ZNF862: variants seen among roughly 807,000 people sequenced by gnomAD.
The protein encoded by ZNF862 is zinc finger protein 862.
A neutral mutation model predicts 91.1 loss-of-function variants in ZNF862; 64 were observed. The ratio of observed to expected loss-of-function variants is 0.70; its 90% CI spans 0.57 to 0.87. The LOEUF (loss-of-function observed/expected upper bound fraction) is 0.87. Ranked by LOEUF, ZNF862 falls within the 40% of genes least tolerant of loss-of-function variation. The pLI is 0.00. For synonymous variants in ZNF862, 631 were observed against 618.1 expected, an observed-to-expected ratio of 1.02 and a Z score of -0.31; for missense variants, 1,459 against 1,528.0, an observed-to-expected ratio of 0.95 and a Z score of 0.75.
intron 1 of ZNF862, among the ~76,000 whole-genome samples, chr7:149,840,623 A>G (rs1801671369): frequency 6.6e-6 from 1 of 150,576 alleles, no homozygotes; most frequent in Non-Finnish European, 1.5e-5. Context: ...TGCCCAATAC[A>G]GATGGACCTT....
At chr7:149,841,518 A>G (rs1477392220) in intron 1 of ZNF862, 38 of 983,696 alleles carry the variant, frequency 3.9e-5, no homozygotes, top group Non-Finnish European at 4.6e-5. Flanking sequence ...ATCCCCAGCT[A>G]GAACAGTGGA....
intron 3 of ZNF862, among the ~76,000 whole-genome samples, chr7:149,847,131 T>TG (rs1237881736): frequency 6.6e-6 from 1 of 152,242 alleles, no homozygotes; most frequent in Non-Finnish European, 1.5e-5. Flanking sequence ...AGAAGAAAGA[T>TG]GTGAGGTCAT....
intron 1 of ZNF862, among the ~76,000 whole-genome samples, chr7:149,843,704 G>C (rs1478849517): frequency 6.6e-6 from 1 of 152,134 alleles, no homozygotes; most frequent in Admixed American, 6.5e-5. Flanking sequence ...AGGGAGGACG[G>C]GCTTATCAGC....
In ZNF862 at chr7:149,864,672, G is replaced by T. The variant is rs189840261; in HGVS notation, c.*388G>T. On this transcript the variant is annotated 3_prime_UTR_variant, in exon 8 of 8. Transcript: ENST00000223210. The stretch of plus-strand genomic sequence containing the variant: ...AGGGAGGCTGCCCACAGTCTAAGTG[G>T]GAATGGGAAAGACCACCTTGTTAGA... The T allele has an allele frequency of 3.0e-5, 5 of 168,486 alleles. No homozygotes were observed. The East Asian group carries it at 8.3e-4, about 28-fold the overall frequency. The allele number at this position is 168,486 out of a possible 1,614,324, so 10.4% of individuals were successfully genotyped here.
In ZNF862 at chr7:149,865,256, G is replaced by A. The variant is rs1193069920; in HGVS notation, c.*972G>A. 6.6e-6 allele frequency: 1 copy of A among 152,186 alleles called. No individual in the cohort carries two copies. Among genetic ancestry groups the A allele is most frequent in the Non-Finnish European group, 1.5e-5 (1 of 68,032 alleles). The allele number at this position is 152,186 out of a possible 1,614,324, so 9.4% of individuals were successfully genotyped here. On this transcript the variant is annotated 3_prime_UTR_variant, in exon 8 of 8. Transcript: ENST00000223210. ...ATCTGCCCCATCCTCGTCCTTAGTG[G>A]GACAGGTAGGAATTTGTCTCCAAAG...
chr7:149,847,735 GA>G lies in ZNF862; in HGVS notation c.249del (p.Lys83AsnfsTer52), dbSNP rs755241977. On this transcript the variant is annotated frameshift_variant and splice_region_variant, in exon 4 of 8. Transcript: ENST00000223210. LOFTEE classifies it high-confidence loss of function. ...GQRSLLEHHP[G>X]KKQMGYMGEM... is the part of the protein sequence containing the mutation. ...AATCCCTTCTGTCTCTTCTCTAAAG[GA>G]AAAAAACAGATGGGCTACATGGGAG... The G allele has an allele frequency of 1.2e-6, 2 of 1,603,920 alleles. No homozygotes were observed. Among genetic ancestry groups the G allele is most frequent in the Non-Finnish European group, 1.7e-6 (2 of 1,175,754 alleles).
intron 1 of ZNF862, among the ~76,000 whole-genome samples, chr7:149,842,413 CGA>C (rs1801738335): frequency 6.6e-6 from 1 of 152,188 alleles, no homozygotes; most frequent in Non-Finnish European, 1.5e-5. Context: ...AATAGAACAT[CGA>C]GAGAGATTCT....
rs1802681589 is a variant in ZNF862 at position 149,865,440 on chromosome 7, CA to C, written c.*1157del. 1 of 152,252 alleles carries C rather than the reference CA, an allele frequency of 6.6e-6. No individual in the cohort carries two copies. The highest frequency in any genetic ancestry group is 2.1e-4 in the South Asian group (1 of 4,824). The allele number at this position is 152,252 out of a possible 1,614,324, so 9.4% of individuals were successfully genotyped here. A position where few individuals can be genotyped will look rare whatever the true frequency, so the allele number is the denominator to read the frequency against. On this transcript the variant is annotated 3_prime_UTR_variant, in exon 8 of 8. Transcript: ENST00000223210. Reference sequence around the variant, plus strand: ...GACAAGGGCTTTGAACAACCTCCTCCAGGGACTTTGGGCCTGCTCTAGCTTC... The same window carrying C: ...GACAAGGGCTTTGAACAACCTCCTCCGGGACTTTGGGCCTGCTCTAGCTTC...
At chr7:149,857,863 G>A (rs954030055) in intron 5 of ZNF862, among the ~76,000 whole-genome samples, 1 of 152,106 alleles carries the variant, frequency 6.6e-6, no homozygotes, top group Non-Finnish European at 1.5e-5. Context: ...TCTTGGAGTC[G>A]AGCAGTGCAC....
chr7:149,845,821 C>A (rs1801848807), intron 2 of ZNF862, among the ~76,000 whole-genome samples: 1 of 152,158 alleles, frequency 6.6e-6, no homozygotes, highest in African/African-American at 2.4e-5. Context: ...ACAGCCCCTG[C>A]ACTTGGCCTG....
intron 1 of ZNF862, chr7:149,841,445 T>TAA: frequency 1.0e-6 from 1 of 980,994 alleles, no homozygotes; most frequent in South Asian, 4.7e-5. Flanking sequence ...TCCTAACCCT[T>TAA]ATCACTAAAT....
chr7:149,861,300 G>A lies in ZNF862; in HGVS notation c.2140G>A (p.Glu714Lys), dbSNP rs778978775. The A allele has an allele frequency of 7.4e-6, 12 of 1,612,792 alleles. No homozygotes were observed. In the Admixed American group the frequency reaches 2.0e-4, roughly 27 times the overall value. ...CRGGLVEKFQ[E>K]VIPQLLPVHC... The stretch of plus-strand genomic sequence containing the variant: ...AGGAGGCCTTGTGGAAAAGTTCCAG[G>A]AGGTCATCCCGCAGCTGCTGCCTGT... Residue 714 changes from glutamate to lysine, a missense_variant, in exon 7 of 8, where the codon GAG becomes AAG. By Grantham distance (56) the Glu-to-Lys change is moderately conservative. Coordinates refer to ENST00000223210, the MANE Select transcript of ZNF862 (RefSeq NM_001099220.3). The surrounding 1 kb of genome is among the most constrained non-coding windows in gnomAD (Gnocchi z 6.7).
At position 149,861,226 on chromosome 7, in the gene ZNF862, G is replaced by T; in HGVS notation, c.2066G>T (p.Gly689Val). Residue 689 changes from glycine to valine, a missense_variant, in exon 7 of 8, where the codon GGC becomes GTC. Transcript: ENST00000223210. This position sits in a 1 kb window ranked among gnomAD's most constrained non-coding sequence, Gnocchi z 6.7. ...CTGGACATCCCCTTCCGGAAGCCTGGCTGGGTGGTGGGGCTGGGGACGGAT... is the reference window on the plus strand; with the variant it reads ...CTGGACATCCCCTTCCGGAAGCCTGTCTGGGTGGTGGGGCTGGGGACGGAT... ...DELDIPFRKP[G>V]WVVGLGTDGS... The T allele has an allele frequency of 6.2e-7, 1 of 1,612,178 alleles. No individual in the cohort carries two copies.
intron 2 of ZNF862, 68 bp downstream of exon 2, chr7:149,844,804 AG>A: frequency 9.3e-7 from 1 of 1,075,384 alleles, no homozygotes; most frequent in Non-Finnish European, 1.4e-6. Context: ...CATCTGCGTC[AG>A]GAACACTGGA....
chr7:149,850,201 T>C lies in ZNF862; in HGVS notation c.980T>C (p.Val327Ala). ...GGGCTGTCGGAGGAGGTTCCTGTGG[T>C]GTTTGAGGAGCTGCCGGTGGTGTTC... ...AEGLSEEVPV[V>A]FEELPVVFED... is the part of the protein sequence containing the mutation. The change falls in exon 5 of 8, where the codon GTG (valine) becomes GCG (alanine). Residue 327 changes from valine (V) to alanine (A), a missense_variant. Coordinates refer to ENST00000223210, the MANE Select transcript of ZNF862 (RefSeq NM_001099220.3). The surrounding 1 kb of genome is among the most constrained non-coding windows in gnomAD (Gnocchi z 4.2). 6.3e-7 allele frequency: 1 copy of C among 1,595,268 alleles called. No individual in the cohort carries two copies. The highest frequency in any genetic ancestry group is 8.5e-7 in the Non-Finnish European group (1 of 1,170,944).
chr7:149,847,902 CG>C lies in ZNF862; in HGVS notation c.411del (p.Ser138ProfsTer13). 6.2e-7 allele frequency: 1 copy of C among 1,607,040 alleles called. No individual in the cohort carries two copies. The highest frequency in any genetic ancestry group is 8.5e-7 in the Non-Finnish European group (1 of 1,176,550). Reference sequence around the variant, plus strand: ...AAGAAACAGGAAACTTCTGAAGCCCCGGTCCATCCAGAAGTCGTGGTTTGTG... The same window carrying C: ...AAGAAACAGGAAACTTCTGAAGCCCCGTCCATCCAGAAGTCGTGGTTTGTG... ...AGRNRKLLKP[R>X]SIQKSWFVQF... On this transcript the variant is annotated frameshift_variant, in exon 4 of 8. Coordinates refer to ENST00000223210, the MANE Select transcript of ZNF862 (RefSeq NM_001099220.3). LOFTEE classifies it high-confidence loss of function.
chr7:149,843,029 T>C (rs1201219531), intron 1 of ZNF862, among the ~76,000 whole-genome samples: 1 of 152,214 alleles, frequency 6.6e-6, no homozygotes, highest in African/African-American at 2.4e-5. Flanking sequence ...GACTAAAGAC[T>C]GGGAGGTTAT....
At chr7:149,863,390 T>C (rs577131483) in intron 7 of ZNF862, among the ~76,000 whole-genome samples, 1 of 151,876 alleles carries the variant, frequency 6.6e-6, no homozygotes, top group East Asian at 1.9e-4. Context: ...CTGTTGCTGC[T>C]CCCAGTTTTC....
At chr7:149,857,869 T>C (rs1802315835) in intron 5 of ZNF862, among the ~76,000 whole-genome samples, 2 of 152,214 alleles carry the variant, frequency 1.3e-5, no homozygotes, top group Non-Finnish European at 2.9e-5. Flanking sequence ...AGTCGAGCAG[T>C]GCACCCCTTG....
Sources: gnomAD v4.1 joint callset for allele counts (sites outside exome capture counted in the v4.1 genomes callset) on GRCh38, gnomAD v4.1.1 for gene constraint, Gnocchi (gnomAD v3.1) non-coding constraint, MANE v1.5 for transcripts, NCBI Gene and HGNC (gene_info 2026-07-23, HGNC 2026-07-21) for gene names.